The following CFAP210 variants were observed in gnomAD, a reference collection of about 807,000 sequenced individuals.
CFAP210 encodes the protein cilia and flagella associated protein 210, also known as cilia- and flagella- associated protein 210.
chr2:169,647,220 C>A, the CFAP210 span, among the ~76,000 whole-genome samples: 4 of 151,690 alleles, frequency 2.6e-5, no homozygotes, highest in African/African-American at 9.7e-5. Flanking sequence ...GATCTCTAAT[C>A]GAAGGTAAAA....
the CFAP210 span, among the ~76,000 whole-genome samples, chr2:169,679,348 G>C: frequency 6.6e-6 from 1 of 152,146 alleles, no homozygotes; most frequent in African/African-American, 2.4e-5. Flanking sequence ...ATAATATCCA[G>C]TCGACATCTT....
At chr2:169,672,644 G>A in the CFAP210 span, among the ~76,000 whole-genome samples, 61,998 of 152,032 alleles carry the variant, frequency 0.41, 12,928 homozygotes, top group Non-Finnish European at 0.44. Context: ...GGCACCAATA[G>A]ATAAGGAAGC....
chr2:169,666,637 G>C, the CFAP210 span, among the ~76,000 whole-genome samples: 1 of 151,550 alleles, frequency 6.6e-6, no homozygotes, highest in Non-Finnish European at 1.5e-5. Context: ...AGTGGCTGTG[G>C]CAATTTATTA....
chr2:169,694,272 T>C, the CFAP210 span: 1 of 1,614,044 alleles, frequency 6.2e-7, no homozygotes, highest in Non-Finnish European at 8.5e-7. Context: ...TGTACTTTCC[T>C]TCGCCCGTCC....
the CFAP210 span, among the ~76,000 whole-genome samples, chr2:169,679,698 A>AG: frequency 4.6e-5 from 7 of 150,716 alleles, no homozygotes; most frequent in African/African-American, 7.3e-5. Context: ...AAAAAAAAAA[A>AG]AAAAAGGTGC....
At chr2:169,660,765 C>A in the CFAP210 span, 3 of 235,968 alleles carry the variant, frequency 1.3e-5, no homozygotes, top group Non-Finnish European at 2.5e-5. Context: ...CCCTGCCTGG[C>A]TATTTTTTGT....
At chr2:169,650,336 G>C in the CFAP210 span, 38 of 1,585,090 alleles carry the variant, frequency 2.4e-5, no homozygotes, top group East Asian at 4.5e-5. Context: ...TACCACAATG[G>C]CTCGATATTC....
chr2:169,666,467 A>G, the CFAP210 span, among the ~76,000 whole-genome samples: 1 of 151,470 alleles, frequency 6.6e-6, no homozygotes, highest in Non-Finnish European at 1.5e-5. Context: ...AATAAAGTAT[A>G]GTCACTCAAG....
At chr2:169,676,992 A>G in the CFAP210 span, among the ~76,000 whole-genome samples, 1 of 152,170 alleles carries the variant, frequency 6.6e-6, no homozygotes, top group African/African-American at 2.4e-5. Flanking sequence ...ACACCTCCCC[A>G]TTTCAAAGAA....
the CFAP210 span, among the ~76,000 whole-genome samples, chr2:169,649,813 C>G: frequency 6.6e-6 from 1 of 151,994 alleles, no homozygotes; most frequent in Non-Finnish European, 1.5e-5. Context: ...TGCCTGTAAT[C>G]TCAGCTACTC....
chr2:169,657,126 T>C, the CFAP210 span, among the ~76,000 whole-genome samples: 2 of 152,120 alleles, frequency 1.3e-5, no homozygotes, highest in East Asian at 3.8e-4. Context: ...ATTTAAGCCT[T>C]CTCTTAACTA....
At chr2:169,694,134 G>T in the CFAP210 span, 4 of 859,320 alleles carry the variant, frequency 4.7e-6, no homozygotes, top group Non-Finnish European at 7.8e-6. Context: ...GCTTATTGAG[G>T]ATGCTTTCGA....
At chr2:169,663,796 T>A in the CFAP210 span, among the ~76,000 whole-genome samples, 36,916 of 144,164 alleles carry the variant, frequency 0.26, 4,967 homozygotes, top group African/African-American at 0.37. Context: ...AAAATAATAA[T>A]AAAAAAAAAA....
chr2:169,679,680 CAA>C, the CFAP210 span, among the ~76,000 whole-genome samples: 1 of 57,492 alleles, frequency 1.7e-5, no homozygotes, highest in Non-Finnish European at 3.1e-5. Context: ...GACTCCATCT[CAA>C]AAAAAAAAAA....
At chr2:169,668,353 A>G in the CFAP210 span, among the ~76,000 whole-genome samples, 3 of 152,230 alleles carry the variant, frequency 2.0e-5, no homozygotes, top group African/African-American at 7.2e-5. Context: ...CCAAACCATT[A>G]GAATTTTCTC....
At chr2:169,694,169 C>T in the CFAP210 span, 2 of 1,243,772 alleles carry the variant, frequency 1.6e-6, no homozygotes, top group Admixed American at 1.8e-5. Context: ...TTTCAAAAGG[C>T]AACTGAAGCC....
chr2:169,681,394 T>A, the CFAP210 span: 1 of 670,512 alleles, frequency 1.5e-6, no homozygotes, highest in Non-Finnish European at 2.6e-6. Flanking sequence ...AAAAAAAAAA[T>A]ACAAAGCCTT....
At chr2:169,681,241 A>G in the CFAP210 span, 15 of 1,569,284 alleles carry the variant, frequency 9.6e-6, no homozygotes, top group Non-Finnish European at 1.2e-5. Flanking sequence ...TTTCTAATAA[A>G]TTGTAAAAAA....
the CFAP210 span, among the ~76,000 whole-genome samples, chr2:169,652,944 A>G: frequency 4.0e-3 from 526 of 130,302 alleles, 1 homozygote; most frequent in East Asian, 0.02. Context: ...AGCTTGCAGT[A>G]AGCCGAGATC....
Sources: gnomAD v4.1 joint callset for allele counts (sites outside exome capture counted in the v4.1 genomes callset) on GRCh38, gnomAD v4.1.1 for gene constraint, MANE v1.5 for transcripts, NCBI Gene and HGNC (gene_info 2026-07-23, HGNC 2026-07-21) for gene names.